The following OVOL3 variants were observed in gnomAD, a reference collection of about 807,000 sequenced individuals.
The protein encoded by OVOL3 is putative transcription factor ovo-like protein 3.
In OVOL3, 15 loss-of-function variants were observed where a neutral mutation model predicts 13.6. That is an observed-to-expected ratio of 1.11 (90% CI 0.74 to 1.70). The LOEUF is 1.70. OVOL3 is among the 40% of genes most tolerant of loss of function. The pLI is 0.00. For missense variants in OVOL3, 290 were observed against 280.6 expected, an observed-to-expected ratio of 1.03 and a Z score of -0.24; for synonymous variants, 102 against 108.5, an observed-to-expected ratio of 0.94 and a Z score of 0.37.
In OVOL3 at chr19:36,112,756, C is replaced by T; in HGVS notation, c.160-4C>T. The T allele has an allele frequency of 6.5e-7, 1 of 1,532,870 alleles. No individual in the cohort carries two copies. Among genetic ancestry groups the T allele is most frequent in the Non-Finnish European group, 8.7e-7 (1 of 1,145,740 alleles). The allele number at this position is 1,532,870 out of a possible 1,614,324, so 95.0% of individuals were successfully genotyped here. ...AGAGGCTAATAACTCCTGCATCCCT[C>T]CAGCAGCCCACACAGGGCAACCTGA... is the stretch of plus-strand genomic sequence containing the variant. On this transcript the variant is annotated splice_region_variant and splice_polypyrimidine_tract_variant and intron_variant, in intron 2 of 3. Coordinates refer to ENST00000633214, the MANE Select transcript of OVOL3 (RefSeq NM_001302757.2).
At position 36,112,815 on chromosome 19, in the gene OVOL3, G is replaced by C. The variant is rs1181328457; in HGVS notation, c.215G>C (p.Cys72Ser). ...CCCAGGGGCCCTGGGACGCTGGGCT[G>C]CCCGCTCTGCCCTAAGGCCTTCCCT... is the stretch of plus-strand genomic sequence containing the variant. ...SAPRGPGTLGCPLCPKAFPLQ... is the reference protein window; with the variant it reads ...SAPRGPGTLGSPLCPKAFPLQ... Residue 72 changes from cysteine (C) to serine (S), a missense_variant, in exon 3 of 4, where the codon TGC becomes TCC. Coordinates refer to ENST00000633214, the MANE Select transcript of OVOL3 (RefSeq NM_001302757.2). The C allele has an allele frequency of 9.8e-6, 15 of 1,535,494 alleles. No individual in the cohort carries two copies. The highest frequency in any genetic ancestry group is 1.3e-5 in the Non-Finnish European group (15 of 1,146,816).
intron 2 of OVOL3, among the ~76,000 whole-genome samples, chr19:36,112,395 T>TGC (rs555676089): frequency 1.3e-5 from 2 of 151,972 alleles, no homozygotes; most frequent in Non-Finnish European, 2.9e-5. Context: ...GGCGCATGCC[T>TGC]ACAATCGTGT....
At position 36,113,470 on chromosome 19, in the gene OVOL3, T is replaced by C; in HGVS notation, c.382T>C (p.Cys128Arg). Residue 128 changes from cysteine (C) to arginine (R), a missense_variant, in exon 4 of 4, where the codon TGC (cysteine) becomes CGC (arginine). Physicochemically the swap from Cys to Arg is radical, Grantham distance 180 (BLOSUM62 -3). Transcript: ENST00000633214. ...RTHTGIRPFR[C>R]SACGKAFTQR... is the part of the protein sequence containing the mutation. ...CTGTGCAGGGATCCGGCCCTTCCGC[T>C]GCAGTGCTTGCGGGAAAGCGTTTAC... 1.3e-6 allele frequency: 2 copies of C among 1,535,406 alleles called. No homozygotes were observed. Among genetic ancestry groups the C allele is most frequent in the Non-Finnish European group, 1.7e-6 (2 of 1,146,292 alleles).
At position 36,113,518 on chromosome 19, in the gene OVOL3, C is replaced by T. The variant is rs1478354486; in HGVS notation, c.430C>T (p.His144Tyr). 2 of 1,536,230 alleles carry T rather than the reference C, an allele frequency of 1.3e-6. No individual in the cohort carries two copies. Among genetic ancestry groups the T allele is most frequent in the Non-Finnish European group, 1.7e-6 (2 of 1,146,898 alleles). ...AFTQRCSLEA[H>Y]LAKVHGQPAS... ...TACGCAGCGCTGCTCCCTGGAAGCT[C>T]ACCTTGCTAAGGTGCATGGACAGCC... is the stretch of plus-strand genomic sequence containing the variant. Residue 144 changes from histidine to tyrosine, a missense_variant, in exon 4 of 4, where the codon CAC (histidine) becomes TAC (tyrosine). Coordinates refer to ENST00000633214, the MANE Select transcript of OVOL3 (RefSeq NM_001302757.2).
chr19:36,113,577 G>A lies in OVOL3; in HGVS notation c.489G>A (p.Lys163=). ...ACGCTTACCGTGAGCGCCGCGAGAA[G>A]CTGCACGTGTGCGAGGACTGCGGCT... ...ASYAYRERRE[K]LHVCEDCGFT... is the part of the protein sequence containing the mutation. The change falls in exon 4 of 4, where the codon AAG becomes AAA. Residue 163 remains lysine (K), a synonymous_variant. Transcript: ENST00000633214. The A allele has an allele frequency of 6.5e-7, 1 of 1,538,502 alleles. No homozygotes were observed. The highest frequency in any genetic ancestry group is 1.2e-5 in the South Asian group (1 of 84,068).
Position 36,112,812 on chromosome 19 carries a change from G to A in OVOL3, c.212G>A (p.Gly71Asp). Residue 71 changes from glycine (G) to aspartate (D), a missense_variant, in exon 3 of 4, where the codon GGC (glycine) becomes GAC (aspartate). Coordinates refer to ENST00000633214, the MANE Select transcript of OVOL3 (RefSeq NM_001302757.2). ...GCTCCCAGGGGCCCTGGGACGCTGG[G>A]CTGCCCGCTCTGCCCTAAGGCCTTC... is the stretch of plus-strand genomic sequence containing the variant. Reference protein sequence around the residue: ...TSAPRGPGTLGCPLCPKAFPL... With the variant: ...TSAPRGPGTLDCPLCPKAFPL... 6.5e-7 allele frequency: 1 copy of A among 1,535,424 alleles called. No homozygotes were observed. Among genetic ancestry groups the A allele is most frequent in the South Asian group, 1.2e-5 (1 of 84,034 alleles).
At chr19:36,112,628 T>G in intron 2 of OVOL3, 132 bp from the exon 3 acceptor site, 1 of 762,550 alleles carries the variant, frequency 1.3e-6, no homozygotes, top group Non-Finnish European at 2.1e-6. Flanking sequence ...GCACACACAC[T>G]AATCACTGTC....
At chr19:36,111,344 G>A in intron 1 of OVOL3, 25 bp from the exon 2 acceptor site, 1 of 1,535,522 alleles carries the variant, frequency 6.5e-7, no homozygotes, top group Non-Finnish European at 8.7e-7. Flanking sequence ...GAGACGCAGT[G>A]TCACCATCTG....
rs1389510367 is a variant in OVOL3 at position 36,113,527 on chromosome 19, A to G, written c.439A>G (p.Lys147Glu). Residue 147 changes from lysine (K) to glutamate (E), a missense_variant, in exon 4 of 4, where the codon AAG becomes GAG. Physicochemically the swap from Lys to Glu is moderately conservative, Grantham distance 56. Coordinates refer to ENST00000633214, the MANE Select transcript of OVOL3 (RefSeq NM_001302757.2). ...QRCSLEAHLA[K>E]VHGQPASYAY... ...CTGCTCCCTGGAAGCTCACCTTGCT[A>G]AGGTGCATGGACAGCCGGCCAGCTA... 4 of 1,536,234 alleles carry G rather than the reference A, an allele frequency of 2.6e-6. No homozygotes were observed. The highest frequency in any genetic ancestry group is 2.0e-5 in the Admixed American group (1 of 51,002).
Position 36,111,393 on chromosome 19 carries a change from C to G in OVOL3, c.119C>G (p.Pro40Arg). The stretch of plus-strand genomic sequence containing the variant: ...GACTGCAGCAGCCTGGGGGGGCCAC[C>G]GGCACAACAGTCGTCCAGTGTCAGG... ...IPDCSSLGGP[P>R]AQQSSSVRDP... Residue 40 changes from proline (P) to arginine (R), a missense_variant, in exon 2 of 4, where the codon CCG becomes CGG. Pro to Arg is a moderately radical substitution (Grantham distance 103). Coordinates refer to ENST00000633214, the MANE Select transcript of OVOL3 (RefSeq NM_001302757.2). 4.6e-6 allele frequency: 7 copies of G among 1,535,928 alleles called. No homozygotes were observed. Among genetic ancestry groups the G allele is most frequent in the Non-Finnish European group, 6.1e-6 (7 of 1,146,806 alleles).
intron 3 of OVOL3, 138 bp from the exon 4 acceptor site, chr19:36,113,314 TG>T: frequency 1.1e-6 from 1 of 876,614 alleles, no homozygotes; most frequent in Non-Finnish European, 1.7e-6. Context: ...TAGCAGATGG[TG>T]GGTCATGGGC....
rs1384696737 is a variant in OVOL3 at position 36,113,530 on chromosome 19, G to A, written c.442G>A (p.Val148Met). 13 of 1,536,158 alleles carry A rather than the reference G, an allele frequency of 8.5e-6. No homozygotes were observed. Among genetic ancestry groups the A allele is most frequent in the Non-Finnish European group, 1.0e-5 (12 of 1,146,914 alleles). The change falls in exon 4 of 4, where the codon GTG becomes ATG. Residue 148 changes from valine (V) to methionine (M), a missense_variant. By Grantham distance (21) the Val-to-Met change is conservative. Transcript: ENST00000633214. ...RCSLEAHLAKVHGQPASYAYR... is the reference protein window; with the variant it reads ...RCSLEAHLAKMHGQPASYAYR... Reference sequence around the variant, plus strand: ...CTCCCTGGAAGCTCACCTTGCTAAGGTGCATGGACAGCCGGCCAGCTACGC... The same window carrying A: ...CTCCCTGGAAGCTCACCTTGCTAAGATGCATGGACAGCCGGCCAGCTACGC...
intron 2 of OVOL3, 103 bp downstream of exon 2, chr19:36,111,536 C>A: frequency 2.5e-6 from 3 of 1,205,276 alleles, no homozygotes; most frequent in Non-Finnish European, 3.5e-6. Flanking sequence ...TCTGCACACG[C>A]CCTCCAGCCT....
At chr19:36,112,117 G>A (rs1973835502) in intron 2 of OVOL3, among the ~76,000 whole-genome samples, 3 of 152,008 alleles carry the variant, frequency 2.0e-5, no homozygotes, top group East Asian at 3.9e-4. Context: ...AGGAGAATCA[G>A]TTGAACCTAG....
intron 3 of OVOL3, 40 bp downstream of exon 3, chr19:36,113,004 AGGTGGGGAT>A: frequency 2.0e-6 from 3 of 1,521,806 alleles, no homozygotes; most frequent in Non-Finnish European, 1.8e-6. Flanking sequence ...GCTGGGCCCC[AGGTGGGGAT>A]GGAAGGAAAT....
chr19:36,113,574 G>A lies in OVOL3; in HGVS notation c.486G>A (p.Glu162=), dbSNP rs1030886908. The A allele has an allele frequency of 2.0e-6, 3 of 1,538,058 alleles. No individual in the cohort carries two copies. Among genetic ancestry groups the A allele is most frequent in the South Asian group, 2.4e-5 (2 of 84,072 alleles). The part of the protein sequence containing the change: ...PASYAYRERR[E]KLHVCEDCGF... The stretch of plus-strand genomic sequence containing the variant: ...GCTACGCTTACCGTGAGCGCCGCGA[G>A]AAGCTGCACGTGTGCGAGGACTGCG... Residue 162 remains glutamate, a synonymous_variant, in exon 4 of 4, where the codon GAG becomes GAA. Transcript: ENST00000633214.
At chr19:36,112,300 G>T (rs1371782589) in intron 2 of OVOL3, among the ~76,000 whole-genome samples, 1 of 151,974 alleles carries the variant, frequency 6.6e-6, no homozygotes, top group Non-Finnish European at 1.5e-5. Context: ...TGGGTGGATT[G>T]CTTGAGGTCA....
intron 3 of OVOL3, among the ~76,000 whole-genome samples, chr19:36,113,234 G>A (rs1222268659): frequency 6.6e-6 from 1 of 152,182 alleles, no homozygotes; most frequent in Non-Finnish European, 1.5e-5. Flanking sequence ...CCATCCCCCA[G>A]GGGAGGGAGC....
In OVOL3 at chr19:36,113,445, C is replaced by T; in HGVS notation, c.365-8C>T. On this transcript the variant is annotated splice_polypyrimidine_tract_variant and splice_region_variant and intron_variant, in intron 3 of 3. Transcript: ENST00000633214. ...GTCCAGCCCTCCCCTCTGCGCCCAT[C>T]TGTGCAGGGATCCGGCCCTTCCGCT... 6.5e-7 allele frequency: 1 copy of T among 1,531,378 alleles called. No homozygotes were observed. Among genetic ancestry groups the T allele is most frequent in the Non-Finnish European group, 8.7e-7 (1 of 1,142,930 alleles). 94.9% of individuals were successfully genotyped at this position (1,531,378 alleles called of 1,614,324 possible). A position where few individuals can be genotyped will look rare whatever the true frequency, so the allele number is the denominator to read the frequency against.
Sources: gnomAD v4.1 joint callset for allele counts (sites outside exome capture counted in the v4.1 genomes callset) on GRCh38, gnomAD v4.1.1 for gene constraint, MANE v1.5 for transcripts, NCBI Gene and HGNC (gene_info 2026-07-23, HGNC 2026-07-21) for gene names.